The following NRBP1 variants were observed in gnomAD, a reference collection of about 807,000 sequenced individuals.
The protein encoded by NRBP1 is nuclear receptor binding protein 1, also known as nuclear receptor-binding protein.
NRBP1 carries 10 observed loss-of-function variants against 76.0 expected under a neutral mutation model. The observed-to-expected ratio is 0.13, with a 90% CI of 0.08 to 0.22. The LOEUF (loss-of-function observed/expected upper bound fraction) is 0.22. Ranked by LOEUF, NRBP1 falls within the 10% of genes least tolerant of loss-of-function variation. The probability of loss-of-function intolerance (pLI) is 1.00; values close to 1 mark genes in which losing one functional copy is unlikely to be tolerated. For missense variants in NRBP1, 344 were observed against 646.0 expected (o/e 0.53, Z 5.07); for synonymous variants, 235 against 240.2 (o/e 0.98, Z 0.20).
Position 27,435,991 on chromosome 2 carries a change from G to GC in NRBP1, c.662-761dup, listed in dbSNP as rs566068012. On this transcript the variant is annotated intron_variant, in intron 7 of 17. Transcript: ENST00000379852. The stretch of plus-strand genomic sequence containing the variant: ...GATTCATGTTCTCCCTCATCATCAG[G>GC]CTAGTTCCCAGATCATACTGTGCTC... 100 of 592,058 alleles carry GC rather than the reference G, an allele frequency of 1.7e-4. No homozygotes were observed. In the East Asian group the frequency reaches 2.5e-3, roughly 15 times the overall value. The allele number at this position is 592,058 out of a possible 1,614,324, so 36.7% of individuals were successfully genotyped here. A position where few individuals can be genotyped will look rare whatever the true frequency, so the allele number is the denominator to read the frequency against.
intron 1 of NRBP1, among the ~76,000 whole-genome samples, chr2:27,431,027 G>A (rs529665380): frequency 3.3e-5 from 5 of 152,310 alleles, no homozygotes; most frequent in East Asian, 1.9e-4. Flanking sequence ...TAGGCTGGGT[G>A]TGGTGGCTCA....
At chr2:27,434,814 CA>C (rs1558335704) in intron 6 of NRBP1, 52 bp downstream of exon 6, 2 of 1,549,570 alleles carry the variant, frequency 1.3e-6, no homozygotes, top group South Asian at 2.2e-5. Flanking sequence ...GTAGTTACTC[CA>C]AACAGATTTC....
At chr2:27,429,033 G>A (rs1164408297) in intron 1 of NRBP1, 1 of 240,268 alleles carries the variant, frequency 4.2e-6, no homozygotes, top group African/African-American at 2.3e-5. Flanking sequence ...GGCGGGGCCC[G>A]GCGGGTGGGG....
chr2:27,435,060 C>G (rs1023220328), intron 6 of NRBP1, 73 bp from the exon 7 acceptor site: 3 of 863,118 alleles, frequency 3.5e-6, no homozygotes, highest in Non-Finnish European at 5.8e-6. Context: ...CTGGCCCTTG[C>G]TCCTCTTAAC....
At chr2:27,440,295 C>T in intron 11 of NRBP1, 108 bp from the exon 12 acceptor site, 2 of 781,494 alleles carry the variant, frequency 2.6e-6, no homozygotes, top group South Asian at 1.6e-5. Flanking sequence ...AGGCATGAGC[C>T]ACTGTGCCAG....
rs11539698 is a variant in NRBP1, at chr2:27,433,788, T to A, written c.326T>A (p.Leu109Gln). Residue 109 changes from leucine to glutamine, a missense_variant, in exon 3 of 18, where the codon CTG becomes CAG. Around this residue, in one of 3 missense-constraint regions of NRBP1, gnomAD observed 73 missense variants for 287.8 expected, o/e 0.25. Coordinates refer to ENST00000379852, the MANE Select transcript of NRBP1 (RefSeq NM_013392.4). The part of the protein sequence containing the change: ...VQFSERKNYK[L>Q]QEEKVRAVFD... ...TTCTCTGAACGCAAGAACTACAAGC[T>A]GCAGGAGGTAGGTGATGCTGAAAAG... The A allele has an allele frequency of 5.6e-6, 9 of 1,614,192 alleles. No homozygotes were observed. Among genetic ancestry groups the A allele is most frequent in the Non-Finnish European group, 7.6e-6 (9 of 1,180,034 alleles).
rs1572698823 is a variant in NRBP1 at position 27,442,074 on chromosome 2, G to A, written c.*262G>A. On this transcript the variant is annotated 3_prime_UTR_variant, in exon 18 of 18. Coordinates refer to ENST00000379852, the MANE Select transcript of NRBP1 (RefSeq NM_013392.4). The stretch of plus-strand genomic sequence containing the variant: ...GCCGCCTTCTAGTTGGGGGCTAGTC[G>A]CTGATCTGCCGGCTCCCGCCCAGCC... The A allele has an allele frequency of 1.9e-6, 1 of 533,484 alleles. No homozygotes were observed. Among genetic ancestry groups the A allele is most frequent in the Non-Finnish European group, 3.3e-6 (1 of 305,258 alleles). 33.0% of individuals were successfully genotyped at this position (533,484 alleles called of 1,614,324 possible).
At chr2:27,428,209 T>A (rs921689378), upstream of NRBP1, 1 of 157,434 alleles carries the variant, frequency 6.4e-6, no homozygotes, top group African/African-American at 2.4e-5. Context: ...TTCCGGAGAA[T>A]TGGCGTCCTG....
rs1444472681 is a variant in NRBP1 at position 27,433,246 on chromosome 2, C to A, written c.-20-8C>A. 2 of 1,589,372 alleles carry A rather than the reference C, an allele frequency of 1.3e-6. No individual in the cohort carries two copies. The highest frequency in any genetic ancestry group is 2.2e-5 in the East Asian group (1 of 44,750). On this transcript the variant is annotated splice_region_variant and splice_polypyrimidine_tract_variant and intron_variant, in intron 1 of 17. Transcript: ENST00000379852. ...CTTTTCCCTCTGTATTTGCCCCAAC[C>A]AGTGCAGGCCTGAGTGTTCCTTCCA...
rs1482798024 is a variant in NRBP1 at position 27,433,803 on chromosome 2, A to G, written c.333+8A>G. 3.1e-6 allele frequency: 5 copies of G among 1,614,030 alleles called. No individual in the cohort carries two copies. The Admixed American group carries it at 8.3e-5, about 27-fold the overall frequency. On this transcript the variant is annotated splice_region_variant and intron_variant, in intron 3 of 17. Coordinates refer to ENST00000379852, the MANE Select transcript of NRBP1 (RefSeq NM_013392.4). ...AACTACAAGCTGCAGGAGGTAGGTG[A>G]TGCTGAAAAGGTGAAGCCTGGGGAA...
At position 27,436,554 on chromosome 2, in the gene NRBP1, A is replaced by C. The variant is rs1447011218; in HGVS notation, c.662-199A>C. On this transcript the variant is annotated intron_variant, in intron 7 of 17. Transcript: ENST00000379852. The stretch of plus-strand genomic sequence containing the variant: ...GATTTAGGGACATTAGATGAGAAGC[A>C]GTAGGCCTAAGAAAGGGGAGGTAGG... 8.7e-6 allele frequency: 5 copies of C among 575,034 alleles called. No homozygotes were observed. The East Asian group carries it at 1.5e-4, about 17-fold the overall frequency. 35.6% of individuals were successfully genotyped at this position (575,034 alleles called of 1,614,324 possible). A position where few individuals can be genotyped will look rare whatever the true frequency, so the allele number is the denominator to read the frequency against.
rs1335593991 is a variant in NRBP1, at chr2:27,433,743, T to A, written c.281T>A (p.Val94Asp). The A allele has an allele frequency of 6.2e-7, 1 of 1,613,928 alleles. No homozygotes were observed. The highest frequency in any genetic ancestry group is 8.5e-7 in the Non-Finnish European group (1 of 1,180,000). Residue 94 changes from valine (V) to aspartate (D), a missense_variant, in exon 3 of 18, where the codon GTT (valine) becomes GAT (aspartate). Coordinates refer to ENST00000379852, the MANE Select transcript of NRBP1 (RefSeq NM_013392.4). ...ATGGATACAGAGGAAGGTGTAGAGGTTGTGTGGAATGAGGTACAGTTCTCT... is the reference window on the plus strand; with the variant it reads ...ATGGATACAGAGGAAGGTGTAGAGGATGTGTGGAATGAGGTACAGTTCTCT... ...LAMDTEEGVE[V>D]VWNEVQFSER...
chr2:27,441,871 C>A lies in NRBP1; in HGVS notation c.*59C>A. On this transcript the variant is annotated 3_prime_UTR_variant, in exon 18 of 18. Coordinates refer to ENST00000379852, the MANE Select transcript of NRBP1 (RefSeq NM_013392.4). ...GGCTGTCCCTGGACGTGCTGCAGCC[C>A]TCCTGTCCCTTCCCCCCAGTCAGTA... The A allele has an allele frequency of 1.0e-6, 1 of 995,492 alleles. No homozygotes were observed. Among genetic ancestry groups the A allele is most frequent in the East Asian group, 2.4e-5 (1 of 42,042 alleles). 61.7% of individuals were successfully genotyped at this position (995,492 alleles called of 1,614,324 possible). A position where few individuals can be genotyped will look rare whatever the true frequency, so the allele number is the denominator to read the frequency against.
In NRBP1 at chr2:27,440,209, G is replaced by T; in HGVS notation, c.1037-194G>T. On this transcript the variant is annotated intron_variant, in intron 11 of 17. Coordinates refer to ENST00000379852, the MANE Select transcript of NRBP1 (RefSeq NM_013392.4). ...GTACTTTTAGTAGAGATGGGGTTTCGCCATGTTGGCCAGGCTGGTCTTGAA... is the reference window on the plus strand; with the variant it reads ...GTACTTTTAGTAGAGATGGGGTTTCTCCATGTTGGCCAGGCTGGTCTTGAA... 5 of 567,458 alleles carry T rather than the reference G, an allele frequency of 8.8e-6. No homozygotes were observed. In the South Asian group the frequency reaches 1.0e-4, roughly 12 times the overall value. The allele number at this position is 567,458 out of a possible 1,614,324, so 35.2% of individuals were successfully genotyped here.
chr2:27,437,833 A>G (rs1664370687), intron 10 of NRBP1, among the ~76,000 whole-genome samples: 1 of 151,564 alleles, frequency 6.6e-6, no homozygotes, highest in Non-Finnish European at 1.5e-5. Flanking sequence ...AGATCGCGCC[A>G]CTGCACTCCA....
Position 27,428,689 on chromosome 2 carries a change from G to A in NRBP1, c.-63G>A, listed in dbSNP as rs1029264552. On this transcript the variant is annotated 5_prime_UTR_variant, in exon 1 of 18. Transcript: ENST00000379852. ...GCTGTGATCCGGGGCCCCGGAACCC[G>A]AGCTGGAGCTGAAGCGCAGGCTGCG... The A allele has an allele frequency of 7.5e-6, 3 of 397,674 alleles. No individual in the cohort carries two copies. The highest frequency in any genetic ancestry group is 1.3e-5 in the Non-Finnish European group (3 of 225,506). 24.6% of individuals were successfully genotyped at this position (397,674 alleles called of 1,614,324 possible).
In NRBP1 at chr2:27,441,185, G is replaced by GGCTCAGGGCTAGGGTT. The variant is rs1558340777; in HGVS notation, c.1383+8_1383+23dup. ...GAGGAGGGAGTCAAACACCACGTAAGGCTCAGGGCTAGGGTTGCGCAGGGC... is the reference window on the plus strand; with the variant it reads ...GAGGAGGGAGTCAAACACCACGTAAGGCTCAGGGCTAGGGTTGCTCAGGGCTAGGGTTGCGCAGGGC... On this transcript the variant is annotated splice_donor_region_variant and intron_variant, in intron 15 of 17. Coordinates refer to ENST00000379852, the MANE Select transcript of NRBP1 (RefSeq NM_013392.4). 1 of 1,613,964 alleles carries GGCTCAGGGCTAGGGTT rather than the reference G, an allele frequency of 6.2e-7. No individual in the cohort carries two copies. Among genetic ancestry groups the GGCTCAGGGCTAGGGTT allele is most frequent in the African/African-American group, 1.3e-5 (1 of 74,894 alleles).
intron 8 of NRBP1, 36 bp downstream of exon 8, chr2:27,436,872 C>T (rs751520480): frequency 6.3e-7 from 1 of 1,589,036 alleles, no homozygotes; most frequent in Admixed American, 1.7e-5. Flanking sequence ...TGTCCTCATC[C>T]CCCTGCTTTT....
At position 27,439,800 on chromosome 2, in the gene NRBP1, C is replaced by T. The variant is rs201132320; in HGVS notation, c.938C>T (p.Ala313Val). Residue 313 changes from alanine to valine, a missense_variant, in exon 11 of 18, where the codon GCT becomes GTT. Transcript: ENST00000379852. ...FIQKCLQSEP[A>V]RRPTARELLF... ...CAAAAGTGCCTGCAGTCTGAGCCTG[C>T]TCGCAGACCAACAGCCAGAGAACTT... 3 of 1,614,134 alleles carry T rather than the reference C, an allele frequency of 1.9e-6. No homozygotes were observed. Among genetic ancestry groups the T allele is most frequent in the East Asian group, 4.5e-5 (2 of 44,886 alleles).
Sources: gnomAD v4.1 joint callset for allele counts (sites outside exome capture counted in the v4.1 genomes callset) on GRCh38, gnomAD v4.1.1 for gene constraint, gnomAD v4.1.1 regional missense constraint, MANE v1.5 for transcripts, NCBI Gene and HGNC (gene_info 2026-07-23, HGNC 2026-07-21) for gene names.